The following SUCO variants were observed in gnomAD, a reference collection of about 807,000 sequenced individuals.
The protein encoded by SUCO is SUN domain containing ossification factor, also known as SUN domain-containing ossification factor.
In SUCO, 57 loss-of-function variants were observed where a neutral mutation model predicts 148.1. The observed-to-expected ratio is 0.38, with a 90% CI of 0.31 to 0.48. The LOEUF is 0.48. SUCO is among the 20% of genes least tolerant of loss of function. SUCO has a pLI of 0.96. For synonymous variants in SUCO, 470 were observed against 502.7 expected (o/e 0.93, Z 0.87); for missense variants, 1,331 against 1,468.2 (o/e 0.91, Z 1.53).
chr1:172,580,006 G>A (rs572971729), intron 15 of SUCO, among the ~76,000 whole-genome samples: 30 of 152,208 alleles, frequency 2.0e-4, no homozygotes, highest in African/African-American at 7.0e-4. Context: ...TTTGCTCTTA[G>A]TGAATTGAAT....
chr1:172,592,651 C>T (rs1656755671), intron 19 of SUCO, among the ~76,000 whole-genome samples: 1 of 152,124 alleles, frequency 6.6e-6, no homozygotes, highest in Non-Finnish European at 1.5e-5. Context: ...TGTTTTGGTA[C>T]CATTACCATG....
chr1:172,601,020 C>T lies in SUCO; in HGVS notation c.3018+852C>T, dbSNP rs73034058. Among the ~76,000 whole-genome samples, 549 of 152,190 alleles carry T rather than the reference C, an allele frequency of 3.6e-3. 4 individuals are homozygous for T. Among genetic ancestry groups the T allele is most frequent in the African/African-American group, 0.011 (475 of 41,502 alleles). ...GCAGAGGCCTGGTCATGTAGGACTT[C>T]GTAGACAATTTAGAGTTTGAATTTT... On this transcript the variant is annotated intron_variant, in intron 20 of 23. Transcript: ENST00000263688.
intron 3 of SUCO, chr1:172,555,392 G>A: frequency 9.1e-6 from 9 of 985,332 alleles, no homozygotes; most frequent in Non-Finnish European, 1.1e-5. Context: ...GAAAGGCCCA[G>A]GTCATTCAAG....
rs1345832066 is a variant in SUCO at position 172,579,277 on chromosome 1, T to G, written c.1498+10T>G. 5 of 1,554,510 alleles carry G rather than the reference T, an allele frequency of 3.2e-6. No individual in the cohort carries two copies. The highest frequency in any genetic ancestry group is 4.4e-6 in the Non-Finnish European group (5 of 1,129,138). On this transcript the variant is annotated intron_variant, in intron 15 of 23. Transcript: ENST00000263688. ...CTTGGTTCTGCTACAAGTGAGTATTTTGAGGATTTTCTATTCATTCTACTA... is the reference window on the plus strand; with the variant it reads ...CTTGGTTCTGCTACAAGTGAGTATTGTGAGGATTTTCTATTCATTCTACTA...
At chr1:172,586,032 G>A (rs994918302) in intron 17 of SUCO, 84 bp downstream of exon 17, 1 of 881,368 alleles carries the variant, frequency 1.1e-6, no homozygotes, top group South Asian at 2.0e-5. Context: ...TTTGTGATTT[G>A]TGTGTGAAAT....
At chr1:172,590,024 T>C (rs558314387) in intron 18 of SUCO, 98 bp downstream of exon 18, 80 of 1,064,512 alleles carry the variant, frequency 7.5e-5, no homozygotes, top group Non-Finnish European at 9.7e-5. Context: ...AATTATCTCA[T>C]GATATAATAG....
At chr1:172,532,859 A>T (rs973711894), upstream of SUCO, 14 of 1,528,836 alleles carry the variant, frequency 9.2e-6, no homozygotes, top group African/African-American at 4.2e-5. Flanking sequence ...TTCTGAACGC[A>T]AGCCAGCAAG....
chr1:172,564,006 G>A (rs1415705730), intron 6 of SUCO, among the ~76,000 whole-genome samples: 3 of 152,254 alleles, frequency 2.0e-5, no homozygotes, highest in Admixed American at 6.5e-5. Flanking sequence ...AAGGGTGCAA[G>A]CCCCGAGCCT....
chr1:172,550,669 CTT>C (rs1449515137), intron 1 of SUCO, among the ~76,000 whole-genome samples: 1 of 151,786 alleles, frequency 6.6e-6, no homozygotes, highest in Non-Finnish European at 1.5e-5. Context: ...ATATAGGTGT[CTT>C]TTTAGGTTTC....
chr1:172,606,969 G>C (rs181093764), intron 22 of SUCO, among the ~76,000 whole-genome samples: 9 of 151,606 alleles, frequency 5.9e-5, no homozygotes, highest in Admixed American at 3.3e-4. Context: ...TTATTCATTG[G>C]GTTTTCAATT....
At chr1:172,535,301 T>G (rs1439966664) in intron 1 of SUCO, among the ~76,000 whole-genome samples, 17 of 152,120 alleles carry the variant, frequency 1.1e-4, no homozygotes, top group Admixed American at 1.1e-3. Context: ...AACTATTGGG[T>G]TAGTATATTT....
chr1:172,608,574 G>T, intron 22 of SUCO, 173 bp from the exon 23 acceptor site: 1 of 622,104 alleles, frequency 1.6e-6, no homozygotes, highest in African/African-American at 1.9e-5. Flanking sequence ...GCCTCTTTTT[G>T]CTTACTAATT....
intron 15 of SUCO, among the ~76,000 whole-genome samples, chr1:172,584,663 C>G (rs1656108157): frequency 6.6e-6 from 1 of 152,126 alleles, no homozygotes; most frequent in Non-Finnish European, 1.5e-5. Context: ...GTCCCAGCTA[C>G]TCGGGAGGCT....
chr1:172,556,070 G>A (rs1327122803), intron 4 of SUCO, 47 bp downstream of exon 4: 1 of 1,490,930 alleles, frequency 6.7e-7, no homozygotes, highest in Non-Finnish European at 9.2e-7. Flanking sequence ...TCCTTAGTTA[G>A]TGATAGAAAA....
intron 19 of SUCO, among the ~76,000 whole-genome samples, chr1:172,596,306 C>T (rs775710197): frequency 6.6e-6 from 1 of 152,232 alleles, no homozygotes; most frequent in Non-Finnish European, 1.5e-5. Flanking sequence ...CATTCTCCAT[C>T]CAGCTTTGTT....
chr1:172,582,556 A>T (rs1655946518), intron 15 of SUCO, among the ~76,000 whole-genome samples: 1 of 152,122 alleles, frequency 6.6e-6, no homozygotes, highest in African/African-American at 2.4e-5. Context: ...TCCAGGAGAA[A>T]TTAGGGATAT....
intron 20 of SUCO, 23 bp downstream of exon 20, chr1:172,600,191 C>A (rs762259512): frequency 1.3e-6 from 2 of 1,519,188 alleles, no homozygotes; most frequent in Non-Finnish European, 1.8e-6. Context: ...GCTGGTATTG[C>A]GAGACCCAAT....
intron 17 of SUCO, among the ~76,000 whole-genome samples, chr1:172,586,583 G>A (rs1656262333): frequency 6.6e-6 from 1 of 151,924 alleles, no homozygotes; most frequent in Admixed American, 6.6e-5. Context: ...ATAATGATTT[G>A]GATAATCAGG....
Position 172,570,175 on chromosome 1 carries a change from G to T in SUCO, c.981+4G>T. 1 of 1,555,278 alleles carries T rather than the reference G, an allele frequency of 6.4e-7. No individual in the cohort carries two copies. The highest frequency in any genetic ancestry group is 1.4e-5 in the African/African-American group (1 of 72,464). On this transcript the variant is annotated splice_donor_region_variant and intron_variant, in intron 8 of 23. Transcript: ENST00000263688. ...AGCAGCTAATCCAGAAGCCAAGGTA[G>T]GTGTTTAAATATAAAATTTTGTATA... is the stretch of plus-strand genomic sequence containing the variant.
Sources: allele counts gnomAD v4.1 joint callset (sites outside exome capture counted in the v4.1 genomes callset), GRCh38; gene constraint gnomAD v4.1.1; transcripts MANE v1.5; gene names NCBI Gene and HGNC (gene_info 2026-07-23, HGNC 2026-07-21).